The following SNTB1 variants were observed in gnomAD, a reference collection of about 807,000 sequenced individuals.
SNTB1 encodes beta-1-syntrophin.
SNTB1 carries 36 observed loss-of-function variants against 48.9 expected under a neutral mutation model. The ratio of observed to expected loss-of-function variants is 0.74; its 90% CI spans 0.56 to 0.97. The LOEUF is 0.97. Among genes scored for constraint, SNTB1 ranks in the 50% least tolerant of loss-of-function variants. The pLI is 0.00. For synonymous variants in SNTB1, 299 were observed against 294.6 expected (o/e 1.01, Z -0.15); for missense variants, 786 against 703.4 (o/e 1.12, Z -1.33).
Position 120,606,043 on chromosome 8 carries a change from CAG to C in SNTB1, c.996+26399_996+26400del, listed in dbSNP as rs1264087950. Among the ~76,000 whole-genome samples, 12 of 152,150 alleles carry C rather than the reference CAG, an allele frequency of 7.9e-5. No individual in the cohort carries two copies. The East Asian group carries it at 1.7e-3, about 22-fold the overall frequency. On this transcript the variant is annotated intron_variant, in intron 3 of 6. Coordinates refer to ENST00000517992, the MANE Select transcript of SNTB1 (RefSeq NM_021021.4). ...GGAATGCACAAACTGCACAGTCTTG[CAG>C]AGTGGCCCTTAGTGAATGCCACCAA...
At chr8:120,784,347 G>A (rs1212109386) in intron 1 of SNTB1, among the ~76,000 whole-genome samples, 1 of 151,774 alleles carries the variant, frequency 6.6e-6, no homozygotes, top group African/African-American at 2.4e-5. Flanking sequence ...GTATCCAAGG[G>A]AGTCTTGGAA....
intron 1 of SNTB1, among the ~76,000 whole-genome samples, chr8:120,701,494 T>C (rs1315800101): frequency 3.3e-5 from 5 of 152,222 alleles, no homozygotes; most frequent in African/African-American, 1.2e-4. Context: ...CTCATCTTGC[T>C]ACTTATGTCA....
At chr8:120,725,506 C>T (rs1230961840) in intron 1 of SNTB1, among the ~76,000 whole-genome samples, 1 of 152,204 alleles carries the variant, frequency 6.6e-6, no homozygotes, top group Non-Finnish European at 1.5e-5. Context: ...GATTCAGCTG[C>T]AAATTAGCTC....
intron 2 of SNTB1, among the ~76,000 whole-genome samples, chr8:120,662,431 C>A: frequency 6.6e-6 from 1 of 152,188 alleles, no homozygotes. Context: ...TTTGTTTCGA[C>A]TTCATTAGTT....
At chr8:120,608,781 T>C (rs1305878372) in intron 3 of SNTB1, among the ~76,000 whole-genome samples, 1 of 152,096 alleles carries the variant, frequency 6.6e-6, no homozygotes, top group African/African-American at 2.4e-5. Flanking sequence ...AGGACTCTTC[T>C]GAAAAAGAAA....
At chr8:120,668,012 G>A (rs1340651939) in intron 2 of SNTB1, among the ~76,000 whole-genome samples, 1 of 152,194 alleles carries the variant, frequency 6.6e-6, no homozygotes, top group Non-Finnish European at 1.5e-5. Flanking sequence ...CCTCAACTCT[G>A]TGTAGTCTCC....
intron 2 of SNTB1, among the ~76,000 whole-genome samples, chr8:120,682,628 T>C (rs1414375725): frequency 2.0e-5 from 3 of 152,216 alleles, no homozygotes; most frequent in Admixed American, 6.5e-5. Context: ...TTTGTATGTA[T>C]ACCCTTTCTA....
Position 120,699,310 on chromosome 8 carries a change from T to A in SNTB1, c.572-5402A>T, listed in dbSNP as rs114424877. On this transcript the variant is annotated intron_variant, in intron 1 of 6. Coordinates refer to ENST00000517992, the MANE Select transcript of SNTB1 (RefSeq NM_021021.4). ...CTCCAAATCTCATGTTGAAATGTAA[T>A]CTCCATTGTTAGAGGTGGGCCTAGT... Among the ~76,000 whole-genome samples the A allele has an allele frequency of 3.8e-3, 572 of 152,326 alleles. 4 individuals carry two copies. Among genetic ancestry groups the A allele is most frequent in the African/African-American group, 0.013 (544 of 41,568 alleles).
chr8:120,565,600 G>A (rs191391587), intron 4 of SNTB1, among the ~76,000 whole-genome samples: 3 of 152,332 alleles, frequency 2.0e-5, no homozygotes, highest in Middle Eastern at 3.4e-3. Context: ...AAAAGGAAGG[G>A]CAGCAGCACA....
chr8:120,687,394 T>C (rs1818052257), intron 2 of SNTB1, among the ~76,000 whole-genome samples: 1 of 152,152 alleles, frequency 6.6e-6, no homozygotes, highest in South Asian at 2.1e-4. Flanking sequence ...AGAGGATAAA[T>C]TAGCCATCAA....
At chr8:120,642,774 T>C (rs1019078842) in intron 2 of SNTB1, among the ~76,000 whole-genome samples, 4 of 152,062 alleles carry the variant, frequency 2.6e-5, no homozygotes, top group Non-Finnish European at 5.9e-5. Context: ...TAGTCAGGCA[T>C]GGTGGTGCAC....
chr8:120,785,964 T>C (rs1265797162), intron 1 of SNTB1, among the ~76,000 whole-genome samples: 2 of 152,238 alleles, frequency 1.3e-5, no homozygotes, highest in Non-Finnish European at 2.9e-5. Flanking sequence ...AGTACATTAC[T>C]ACTACTGCTG....
chr8:120,631,050 C>G (rs1186621983), intron 3 of SNTB1, among the ~76,000 whole-genome samples: 1 of 152,204 alleles, frequency 6.6e-6, no homozygotes, highest in African/African-American at 2.4e-5. Flanking sequence ...GTTATCAGAA[C>G]CCGGGCATGC....
intron 1 of SNTB1, among the ~76,000 whole-genome samples, chr8:120,704,011 G>A (rs1587101808): frequency 6.6e-6 from 1 of 152,176 alleles, no homozygotes; most frequent in Non-Finnish European, 1.5e-5. Flanking sequence ...GATTTGAATC[G>A]AGGGTGTCTA....
intron 3 of SNTB1, among the ~76,000 whole-genome samples, chr8:120,611,875 T>C (rs1461045239): frequency 1.3e-5 from 2 of 151,652 alleles, no homozygotes; most frequent in Non-Finnish European, 2.9e-5. Context: ...CAAATTTCCT[T>C]TGGGTTTCCT....
At chr8:120,634,538 C>T (rs767197997) in intron 2 of SNTB1, among the ~76,000 whole-genome samples, 61 of 152,146 alleles carry the variant, frequency 4.0e-4, no homozygotes, top group Non-Finnish European at 1.0e-4. Flanking sequence ...AAATACTATA[C>T]CACGATGCCT....
intron 3 of SNTB1, among the ~76,000 whole-genome samples, chr8:120,579,678 C>CA (rs1474447757): frequency 2.0e-5 from 3 of 149,642 alleles, no homozygotes; most frequent in Non-Finnish European, 4.4e-5. Flanking sequence ...GACTCTGTGT[C>CA]AAAAAAGAAA....
At chr8:120,662,539 G>C (rs1240381645) in intron 2 of SNTB1, among the ~76,000 whole-genome samples, 1 of 152,172 alleles carries the variant, frequency 6.6e-6, no homozygotes, top group Non-Finnish European at 1.5e-5. Context: ...TGGCATCAAG[G>C]TGCATGGGGT....
intron 1 of SNTB1, among the ~76,000 whole-genome samples, chr8:120,805,134 T>C (rs1356272046): frequency 1.3e-5 from 2 of 152,168 alleles, no homozygotes; most frequent in African/African-American, 4.8e-5. Context: ...AGCGATTATT[T>C]ATAAAGGTGC....
Sources: allele counts gnomAD v4.1 joint callset (sites outside exome capture counted in the v4.1 genomes callset), GRCh38; gene constraint gnomAD v4.1.1; transcripts MANE v1.5; gene names NCBI Gene and HGNC (gene_info 2026-07-23, HGNC 2026-07-21).